The following UBE2O variants were observed in gnomAD, a reference collection of about 807,000 sequenced individuals.
UBE2O encodes the protein (E3-independent) E2 ubiquitin-conjugating enzyme.
Under a neutral mutation model 125.8 loss-of-function variants are expected in UBE2O, and 15 were observed. The observed-to-expected ratio is 0.12, with a 90% CI of 0.08 to 0.18. The LOEUF (loss-of-function observed/expected upper bound fraction) is 0.18. UBE2O is among the 10% of genes least tolerant of loss of function. The pLI is 1.00. For synonymous variants in UBE2O, 708 were observed against 703.2 expected, an observed-to-expected ratio of 1.01 and a Z score of -0.11; for missense variants, 1,280 against 1,723.6, an observed-to-expected ratio of 0.74 and a Z score of 4.56.
rs189679523 is a variant in UBE2O, at chr17:76,393,424, G to A, written c.2947-1311C>T. Among the ~76,000 whole-genome samples, 22 of 151,608 alleles carry A rather than the reference G, an allele frequency of 1.5e-4. No individual in the cohort carries two copies. The East Asian group carries it at 3.7e-3, about 26-fold the overall frequency. On this transcript the variant is annotated intron_variant, in intron 15 of 17. Coordinates refer to ENST00000319380, the MANE Select transcript of UBE2O (RefSeq NM_022066.4). ...TAATTTTTTGTATTTTAATAGAGACGGGGTTTCACCATGTTGGTCAGGCTG... is the reference window on the plus strand; with the variant it reads ...TAATTTTTTGTATTTTAATAGAGACAGGGTTTCACCATGTTGGTCAGGCTG...
At chr17:76,441,229 A>G (rs1173464134) in intron 1 of UBE2O, among the ~76,000 whole-genome samples, 3 of 152,272 alleles carry the variant, frequency 2.0e-5, no homozygotes. Context: ...CAATTTCATT[A>G]AAATGCTGAA....
At chr17:76,415,823 G>A (rs2072593621) in intron 1 of UBE2O, among the ~76,000 whole-genome samples, 1 of 151,482 alleles carries the variant, frequency 6.6e-6, no homozygotes, top group Non-Finnish European at 1.5e-5. Flanking sequence ...GTGTGTGTGT[G>A]TGTGTGCATA....
intron 1 of UBE2O, among the ~76,000 whole-genome samples, chr17:76,414,033 C>T (rs1296187786): frequency 6.6e-6 from 1 of 152,160 alleles, no homozygotes; most frequent in Admixed American, 6.5e-5. Context: ...GAGCAGTTGA[C>T]CATCATGTGG....
chr17:76,397,912 CA>C, intron 12 of UBE2O, 24 bp from the exon 13 acceptor site: 1 of 1,612,322 alleles, frequency 6.2e-7, no homozygotes, highest in Non-Finnish European at 8.5e-7. Context: ...GGGACAAAGT[CA>C]GGGGGCCCAG....
At chr17:76,448,103 C>A (rs1465415921) in intron 1 of UBE2O, among the ~76,000 whole-genome samples, 1 of 152,114 alleles carries the variant, frequency 6.6e-6, no homozygotes, top group Admixed American at 6.5e-5. Context: ...AATCACAGTA[C>A]AAAACACACA....
At position 76,410,550 on chromosome 17, in the gene UBE2O, G is replaced by GAA. The variant is rs2072498145; in HGVS notation, c.418-4979_418-4978insTT. 6.6e-6 allele frequency among the ~76,000 whole-genome samples: 1 copy of GAA among 152,204 alleles called. No homozygotes were observed. Among genetic ancestry groups the GAA allele is most frequent in the Non-Finnish European group, 1.5e-5 (1 of 68,044 alleles). ...AGACCCGAACAATGGCAGAGAAGGT[G>GAA]GGTCTGCGGACCAGCCTCTGGATAC... On this transcript the variant is annotated intron_variant, in intron 1 of 17. Transcript: ENST00000319380. The surrounding 1 kb of genome is among the most constrained non-coding windows in gnomAD (Gnocchi z 4.0).
chr17:76,409,208 T>A (rs1256722959), intron 1 of UBE2O, among the ~76,000 whole-genome samples: 1 of 152,118 alleles, frequency 6.6e-6, no homozygotes, highest in Non-Finnish European at 1.5e-5. Flanking sequence ...AACCTCGTGA[T>A]CTGCCAGCCT....
rs774165966 is a variant in UBE2O, at chr17:76,399,453, C to T, written c.1624G>A (p.Asp542Asn). The T allele has an allele frequency of 2.1e-5, 34 of 1,613,444 alleles. No individual in the cohort carries two copies. Among genetic ancestry groups the T allele is most frequent in the Non-Finnish European group, 2.4e-5 (28 of 1,179,534 alleles). Reference sequence around the variant, plus strand: ...GGGGCACAACTCTGAGTTTACCTGTCCCCTGGCTTGAAGTCTCGAGTGATT... The same window carrying T: ...GGGGCACAACTCTGAGTTTACCTGTTCCCTGGCTTGAAGTCTCGAGTGATT... Reference protein sequence around the residue: ...NKITRDFKPGDRVAVEVVTTM... With the variant: ...NKITRDFKPGNRVAVEVVTTM... The change falls in exon 9 of 18, where the codon GAC (aspartate) becomes AAC (asparagine). Residue 542 changes from aspartate to asparagine, a missense_variant. By Grantham distance (23) the Asp-to-Asn change is conservative. Transcript: ENST00000319380. This position sits in a 1 kb window ranked among gnomAD's most constrained non-coding sequence, Gnocchi z 6.9.
In UBE2O at chr17:76,405,162, C is replaced by T; in HGVS notation, c.588+44G>A. On this transcript the variant is annotated intron_variant, in intron 3 of 17. Transcript: ENST00000319380. This position sits in a 1 kb window ranked among gnomAD's most constrained non-coding sequence, Gnocchi z 6.1. ...CCCAGAGGTCGTGCCGCCGAGAGAACCAGAGGGCCCAGAAAGGATGATGAG... is the reference window on the plus strand; with the variant it reads ...CCCAGAGGTCGTGCCGCCGAGAGAATCAGAGGGCCCAGAAAGGATGATGAG... 6.8e-7 allele frequency: 1 copy of T among 1,465,118 alleles called. No homozygotes were observed. Among genetic ancestry groups the T allele is most frequent in the Non-Finnish European group, 9.4e-7 (1 of 1,063,050 alleles). 90.8% of individuals were successfully genotyped at this position (1,465,118 alleles called of 1,614,324 possible).
rs1397232854 is a variant in UBE2O at position 76,453,126 on chromosome 17, C to T, written c.16G>A (p.Ala6Thr). 8.2e-6 allele frequency: 6 copies of T among 728,580 alleles called. No homozygotes were observed. In the African/African-American group the frequency reaches 9.3e-5, roughly 11 times the overall value. The allele number at this position is 728,580 out of a possible 1,614,324, so 45.1% of individuals were successfully genotyped here. The change falls in exon 1 of 18, where the codon GCC becomes ACC. Residue 6 changes from alanine (A) to threonine (T), a missense_variant. Coordinates refer to ENST00000319380, the MANE Select transcript of UBE2O (RefSeq NM_022066.4). Reference sequence around the variant, plus strand: ...GGAGCGGGAGCTGCGGGCGTGGGGGCTGCGGGATCCGCCATAACTGCTCTG... The same window carrying T: ...GGAGCGGGAGCTGCGGGCGTGGGGGTTGCGGGATCCGCCATAACTGCTCTG... MADPA[A>T]PTPAAPAPAQ...
At chr17:76,417,802 C>T (rs2072641590) in intron 1 of UBE2O, among the ~76,000 whole-genome samples, 1 of 152,150 alleles carries the variant, frequency 6.6e-6, no homozygotes, top group Non-Finnish European at 1.5e-5. Context: ...TTTGATGCTG[C>T]ATGGATGCAT....
chr17:76,396,018 G>A lies in UBE2O; in HGVS notation c.2809+110C>T. On this transcript the variant is annotated intron_variant, in intron 14 of 17. Transcript: ENST00000319380. This position sits in a 1 kb window ranked among gnomAD's most constrained non-coding sequence, Gnocchi z 6.7. ...CAGGGAAATGGTTTGCCCTGGGGCAGTAGCTGGGGTCTGGCGAGGGGACTA... is the reference window on the plus strand; with the variant it reads ...CAGGGAAATGGTTTGCCCTGGGGCAATAGCTGGGGTCTGGCGAGGGGACTA... The A allele has an allele frequency of 6.8e-7, 1 of 1,476,270 alleles. No homozygotes were observed. The highest frequency in any genetic ancestry group is 9.2e-7 in the Non-Finnish European group (1 of 1,082,166). 91.4% of individuals were successfully genotyped at this position (1,476,270 alleles called of 1,614,324 possible). A position where few individuals can be genotyped will look rare whatever the true frequency, so the allele number is the denominator to read the frequency against.
chr17:76,449,961 C>T (rs980452039), intron 1 of UBE2O, among the ~76,000 whole-genome samples: 1 of 151,858 alleles, frequency 6.6e-6, no homozygotes, highest in Non-Finnish European at 1.5e-5. Context: ...TCAAAACCAT[C>T]ACTACTGTAG....
intron 1 of UBE2O, among the ~76,000 whole-genome samples, chr17:76,407,418 C>T (rs1419315984): frequency 6.6e-6 from 1 of 152,218 alleles, no homozygotes; most frequent in East Asian, 1.9e-4. Context: ...CCCACCCTAT[C>T]TTAATCCCCT....
At chr17:76,425,791 A>G (rs1385738485) in intron 1 of UBE2O, among the ~76,000 whole-genome samples, 1 of 152,236 alleles carries the variant, frequency 6.6e-6, no homozygotes, top group Non-Finnish European at 1.5e-5. Context: ...CCTACAAATT[A>G]TCGATCAGGT....
In UBE2O at chr17:76,405,019, T is replaced by C. The variant is rs1437492247; in HGVS notation, c.588+187A>G. On this transcript the variant is annotated intron_variant, in intron 3 of 17. Coordinates refer to ENST00000319380, the MANE Select transcript of UBE2O (RefSeq NM_022066.4). This position sits in a 1 kb window ranked among gnomAD's most constrained non-coding sequence, Gnocchi z 6.1. ...TGGGGAAGGGCACGTCCTGACCTCA[T>C]GTCTAAATGGCTTACTTGAAAGCAG... 6.6e-6 allele frequency among the ~76,000 whole-genome samples: 1 copy of C among 152,108 alleles called. No homozygotes were observed. Among genetic ancestry groups the C allele is most frequent in the East Asian group, 1.9e-4 (1 of 5,194 alleles).
rs79370127 is a variant in UBE2O at position 76,397,758 on chromosome 17, A to C, written c.2115+41T>G. ...CCTGTGGCCCCCGGCCCAAGTTGCC[A>C]TAGTCACAAGCTCAGCAGGGGGGTC... On this transcript the variant is annotated intron_variant, in intron 13 of 17. Coordinates refer to ENST00000319380, the MANE Select transcript of UBE2O (RefSeq NM_022066.4). 5 of 1,603,116 alleles carry C rather than the reference A, an allele frequency of 3.1e-6. No homozygotes were observed. In the Admixed American group the frequency reaches 8.3e-5, roughly 27 times the overall value.
chr17:76,423,893 G>GTTTT (rs2072753267), intron 1 of UBE2O, among the ~76,000 whole-genome samples: 6 of 81,942 alleles, frequency 7.3e-5, no homozygotes, highest in African/African-American at 2.0e-4. Flanking sequence ...TCCAGGTTGG[G>GTTTT]TTCTTTTTTT....
chr17:76,431,124 T>G, intron 1 of UBE2O: 1 of 173,632 alleles, frequency 5.8e-6, no homozygotes, highest in South Asian at 1.3e-4. Context: ...ACACCCTCCA[T>G]GGTTCCAGCC....
Sources: gnomAD v4.1 joint callset for allele counts (sites outside exome capture counted in the v4.1 genomes callset) on GRCh38, gnomAD v4.1.1 for gene constraint, Gnocchi (gnomAD v3.1) non-coding constraint, MANE v1.5 for transcripts, NCBI Gene and HGNC (gene_info 2026-07-23, HGNC 2026-07-21) for gene names.